The following KCNMA1 variants were observed in gnomAD, a reference collection of about 807,000 sequenced individuals.
KCNMA1 encodes potassium calcium-activated channel subfamily M alpha 1, also known as Calcium-activated potassium channel subunit alpha-1.
Under a neutral mutation model 140.0 loss-of-function variants are expected in KCNMA1, and 29 were observed. The observed-to-expected ratio is 0.21, with a 90% confidence interval of 0.15 to 0.28. KCNMA1 has a LOEUF of 0.28. KCNMA1 is among the 10% of genes least tolerant of loss of function. The probability of loss-of-function intolerance (pLI) is 1.00; values close to 1 mark genes in which losing one functional copy is unlikely to be tolerated. For synonymous variants in KCNMA1, 612 were observed against 611.9 expected, an observed-to-expected ratio of 1.00 and a Z score of 0.00; for missense variants, 880 against 1,602.2, an observed-to-expected ratio of 0.55 and a Z score of 7.70.
intron 2 of KCNMA1, among the ~76,000 whole-genome samples, chr10:77,350,920 G>T (rs1353722718): frequency 6.6e-6 from 1 of 152,174 alleles, no homozygotes; most frequent in Non-Finnish European, 1.5e-5. Flanking sequence ...GTTTGGGGGT[G>T]GAGGCAGAGG....
At chr10:77,216,377 G>A (rs2047796161) in intron 3 of KCNMA1, among the ~76,000 whole-genome samples, 1 of 152,030 alleles carries the variant, frequency 6.6e-6, no homozygotes, top group African/African-American at 2.4e-5. Context: ...GGGGGGAAGA[G>A]GAGAAGTGGG....
chr10:77,614,869 G>C (rs1472806003), intron 1 of KCNMA1, among the ~76,000 whole-genome samples: 1 of 152,118 alleles, frequency 6.6e-6, no homozygotes, highest in Non-Finnish European at 1.5e-5. Context: ...TTCATAACCT[G>C]GCCCAGGTAT....
intron 9 of KCNMA1, among the ~76,000 whole-genome samples, chr10:77,098,130 G>A (rs369826602): frequency 5.8e-4 from 88 of 152,282 alleles, no homozygotes; most frequent in African/African-American, 1.9e-3. Flanking sequence ...TAATTAGACC[G>A]TGGTGAGAAA....
intron 3 of KCNMA1, among the ~76,000 whole-genome samples, chr10:77,239,408 T>G (rs1211110695): frequency 1.3e-5 from 2 of 152,192 alleles, no homozygotes; most frequent in Non-Finnish European, 2.9e-5. Flanking sequence ...GTATGGAAAT[T>G]CCAGCTCTCA....
At chr10:76,971,850 TG>T (rs1202311967) in intron 19 of KCNMA1, among the ~76,000 whole-genome samples, 1 of 152,186 alleles carries the variant, frequency 6.6e-6, no homozygotes, top group African/African-American at 2.4e-5. Context: ...CACTTAGAGT[TG>T]ATATGCATCT....
chr10:77,582,332 T>C (rs1480507506), intron 1 of KCNMA1, among the ~76,000 whole-genome samples: 1 of 152,252 alleles, frequency 6.6e-6, no homozygotes, highest in East Asian at 1.9e-4. Context: ...GCATCAGGGT[T>C]ATTATGAGGC....
At chr10:77,490,682 A>G (rs998858648) in intron 1 of KCNMA1, among the ~76,000 whole-genome samples, 1 of 152,226 alleles carries the variant, frequency 6.6e-6, no homozygotes. Context: ...CAGTTTGCCT[A>G]AAGTCACAGA....
intron 5 of KCNMA1, among the ~76,000 whole-genome samples, chr10:77,170,871 G>T (rs191415967): frequency 6.6e-6 from 1 of 152,308 alleles, no homozygotes; most frequent in African/African-American, 2.4e-5. Context: ...TGGGAAAAGG[G>T]TTCTGCTGTT....
rs1456695651 is a variant in KCNMA1, at chr10:77,254,930, TA to T, written c.541-3675del. Among the ~76,000 whole-genome samples the T allele has an allele frequency of 3.9e-5, 6 of 152,166 alleles. No individual in the cohort carries two copies. The South Asian group carries it at 1.0e-3, about 26-fold the overall frequency. On this transcript the variant is annotated intron_variant, in intron 2 of 27. Coordinates refer to ENST00000286628, the MANE Select transcript of KCNMA1 (RefSeq NM_001161352.2). ...TAGAATAAGACAATAACCAAGCATG[TA>T]ACAAAGCATTGTCCCACACAAGGGC...
chr10:77,331,087 C>A (rs999730239), intron 2 of KCNMA1, among the ~76,000 whole-genome samples: 4 of 151,242 alleles, frequency 2.6e-5, no homozygotes, highest in African/African-American at 7.3e-5. Context: ...AGTCCAGTGT[C>A]TTTCTCCCTG....
intron 1 of KCNMA1, among the ~76,000 whole-genome samples, chr10:77,511,681 CTG>C (rs2048468696): frequency 6.6e-6 from 1 of 152,128 alleles, no homozygotes; most frequent in Non-Finnish European, 1.5e-5. Context: ...TTTTTAATGA[CTG>C]TTATTTAATC....
At chr10:77,079,983 G>A (rs1288830736) in intron 12 of KCNMA1, among the ~76,000 whole-genome samples, 1 of 152,162 alleles carries the variant, frequency 6.6e-6, no homozygotes, top group African/African-American at 2.4e-5. Context: ...AAGTTGTAAT[G>A]CATGGATGAA....
chr10:77,382,887 T>A (rs9415153), intron 2 of KCNMA1, among the ~76,000 whole-genome samples: 24,663 of 63,562 alleles, frequency 0.39, 5,382 homozygotes, highest in South Asian at 0.42. Flanking sequence ...AAAAAAAAAA[T>A]ATATATATAT....
chr10:77,167,974 C>A (rs2098662461), intron 5 of KCNMA1, among the ~76,000 whole-genome samples: 1 of 152,156 alleles, frequency 6.6e-6, no homozygotes, highest in South Asian at 2.1e-4. Flanking sequence ...TGAGCTGCTG[C>A]ACCCAGCTGA....
chr10:77,314,769 C>T (rs1708743810), intron 2 of KCNMA1, among the ~76,000 whole-genome samples: 1 of 152,104 alleles, frequency 6.6e-6, no homozygotes, highest in Middle Eastern at 3.2e-3. Flanking sequence ...TGTTCAAAAG[C>T]CTGCATCCAC....
intron 17 of KCNMA1, among the ~76,000 whole-genome samples, chr10:77,013,663 A>G (rs1044230991): frequency 6.6e-6 from 1 of 152,208 alleles, no homozygotes; most frequent in African/African-American, 2.4e-5. Context: ...TAGAGAACAG[A>G]CTACATGTCA....
Position 77,617,542 on chromosome 10 carries a change from A to C in KCNMA1, c.378+19723T>G, listed in dbSNP as rs181422439. 3.0e-3 allele frequency among the ~76,000 whole-genome samples: 454 copies of C among 152,324 alleles called. 4 individuals carry two copies. Among genetic ancestry groups the C allele is most frequent in the Admixed American group, 6.5e-3 (99 of 15,298 alleles). ...TGCAGACAGGGATAAGAAGAGGCAGAGCTGAAGGCACTCCAGAGCAGCATA... is the reference window on the plus strand; with the variant it reads ...TGCAGACAGGGATAAGAAGAGGCAGCGCTGAAGGCACTCCAGAGCAGCATA... On this transcript the variant is annotated intron_variant, in intron 1 of 27. Coordinates refer to ENST00000286628, the MANE Select transcript of KCNMA1 (RefSeq NM_001161352.2).
chr10:77,541,416 A>C (rs1159580392), intron 1 of KCNMA1, among the ~76,000 whole-genome samples: 1 of 152,184 alleles, frequency 6.6e-6, no homozygotes, highest in East Asian at 1.9e-4. Context: ...TTGTTCCTCA[A>C]AACAATGCAA....
intron 3 of KCNMA1, among the ~76,000 whole-genome samples, chr10:77,237,127 T>G (rs947022510): frequency 2.0e-5 from 3 of 152,238 alleles, no homozygotes; most frequent in African/African-American, 7.2e-5. Context: ...CAAGACCTGA[T>G]TAAAAGTTTC....
Sources: allele counts gnomAD v4.1 joint callset (sites outside exome capture counted in the v4.1 genomes callset), GRCh38; gene constraint gnomAD v4.1.1; transcripts MANE v1.5; gene names NCBI Gene and HGNC (gene_info 2026-07-23, HGNC 2026-07-21).